DOCK1: variants seen among roughly 807,000 people sequenced by gnomAD.
The protein encoded by DOCK1 is dedicator of cytokinesis 1.
In DOCK1, 138 loss-of-function variants were observed where a neutral mutation model predicts 262.7. The observed-to-expected ratio is 0.53, with a 90% CI of 0.46 to 0.61. The LOEUF is 0.61. Among genes scored for constraint, DOCK1 ranks in the 20% least tolerant of loss-of-function variants. The probability of loss-of-function intolerance (pLI) is 0.00; values close to 1 mark genes in which losing one functional copy is unlikely to be tolerated. For missense variants in DOCK1, 1,908 were observed against 2,370.7 expected, an observed-to-expected ratio of 0.80 and a Z score of 4.05; for synonymous variants, 866 against 867.4, an observed-to-expected ratio of 1.00 and a Z score of 0.03.
At chr10:127,371,811 C>T (rs895143668) in intron 33 of DOCK1, among the ~76,000 whole-genome samples, 7 of 152,128 alleles carry the variant, frequency 4.6e-5, no homozygotes, top group African/African-American at 1.4e-4. Flanking sequence ...TACTACCAAG[C>T]GATCTCCCTT....
intron 25 of DOCK1, among the ~76,000 whole-genome samples, chr10:127,112,788 T>C (rs1341780839): frequency 1.3e-5 from 2 of 152,342 alleles, no homozygotes; most frequent in East Asian, 3.9e-4. Context: ...GTCTAAGCTG[T>C]AACTGGCAGC....
At position 127,026,393 on chromosome 10, in the gene DOCK1, G is replaced by C; in HGVS notation, c.1593G>C (p.Arg531=). The change falls in exon 16 of 52, where the codon CGG becomes CGC. Residue 531 remains arginine (R), a synonymous_variant. Coordinates refer to ENST00000623213, the MANE Select transcript of DOCK1 (RefSeq NM_001290223.2). The part of the protein sequence containing the change: ...PIEDVNRSHL[R]FTFRHRSSQD... ...AGGACGTTAACCGCAGTCACCTTCG[G>C]TTTACCTTCCGCCACAGGTCATCAC... is the stretch of plus-strand genomic sequence containing the variant. 1 of 1,578,912 alleles carries C rather than the reference G, an allele frequency of 6.3e-7. No homozygotes were observed. The highest frequency in any genetic ancestry group is 8.6e-7 in the Non-Finnish European group (1 of 1,160,940).
At chr10:127,348,683 T>A (rs1040158677) in intron 31 of DOCK1, among the ~76,000 whole-genome samples, 2 of 152,088 alleles carry the variant, frequency 1.3e-5, no homozygotes, top group African/African-American at 4.8e-5. Context: ...ATTATAGAAG[T>A]CTGCAGTGTT....
In DOCK1 at chr10:127,099,944, C is replaced by T. The variant is rs9645530; in HGVS notation, c.2446-6287C>T. 6.7e-3 allele frequency among the ~76,000 whole-genome samples: 1,026 copies of T among 152,248 alleles called. 6 individuals are homozygous for T. The highest frequency in any genetic ancestry group is 0.012 in the Admixed American group (182 of 15,300). On this transcript the variant is annotated intron_variant, in intron 23 of 51. Transcript: ENST00000623213. ...GCAGTGACTCCAGAAGAGGGAATAG[C>T]ATGTGCTCAAGCCTCTGAGCTGGCA...
At chr10:127,111,228 AT>A (rs1471264943) in intron 25 of DOCK1, among the ~76,000 whole-genome samples, 2 of 152,256 alleles carry the variant, frequency 1.3e-5, no homozygotes, top group Non-Finnish European at 2.9e-5. Flanking sequence ...GCGAATTTTA[AT>A]CTTCTTTCTT....
intron 21 of DOCK1, among the ~76,000 whole-genome samples, chr10:127,044,433 T>G (rs1260854382): frequency 6.6e-6 from 1 of 152,182 alleles, no homozygotes; most frequent in Non-Finnish European, 1.5e-5. Context: ...AACGTTTGTT[T>G]AAAACATTTT....
chr10:126,924,693 C>T (rs1279491626), intron 1 of DOCK1, among the ~76,000 whole-genome samples: 1 of 152,188 alleles, frequency 6.6e-6, no homozygotes, highest in Non-Finnish European at 1.5e-5. Context: ...TTTCGTCTGA[C>T]CAGCAGTTAC....
Position 127,042,932 on chromosome 10 carries a change from AACTAGCC to A in DOCK1, c.2101-129_2101-123del, listed in dbSNP as rs1267718665. On this transcript the variant is annotated intron_variant, in intron 20 of 51. Coordinates refer to ENST00000623213, the MANE Select transcript of DOCK1 (RefSeq NM_001290223.2). ...GTCATTTCTAGGGTAAGAAAAGGTAAACTAGCCACCAACTTCTATCTGAAAATGTTAT... is the reference window on the plus strand; with the variant it reads ...GTCATTTCTAGGGTAAGAAAAGGTAAACCAACTTCTATCTGAAAATGTTAT... 3.5e-6 allele frequency: 3 copies of A among 849,112 alleles called. No homozygotes were observed. The African/African-American group carries it at 5.2e-5, about 15-fold the overall frequency. 52.6% of individuals were successfully genotyped at this position (849,112 alleles called of 1,614,324 possible).
intron 27 of DOCK1, among the ~76,000 whole-genome samples, chr10:127,220,656 C>T (rs953738823): frequency 1.3e-5 from 2 of 151,814 alleles, no homozygotes; most frequent in Non-Finnish European, 1.5e-5. Context: ...GAGGAGCGAT[C>T]GGTGTCCCCA....
At chr10:126,907,840 A>G (rs2133987412) in intron 1 of DOCK1, among the ~76,000 whole-genome samples, 1 of 152,220 alleles carries the variant, frequency 6.6e-6, no homozygotes, top group South Asian at 2.1e-4. Flanking sequence ...TCTTGCTAAT[A>G]CTTTGGTTTT....
intron 33 of DOCK1, among the ~76,000 whole-genome samples, chr10:127,369,642 G>A (rs2065103617): frequency 1.3e-5 from 2 of 152,234 alleles, no homozygotes; most frequent in East Asian, 3.9e-4. Flanking sequence ...CATGGCCTGC[G>A]ATGCAGCCAT....
At chr10:127,332,020 G>A (rs1033548153) in intron 29 of DOCK1, among the ~76,000 whole-genome samples, 1 of 152,234 alleles carries the variant, frequency 6.6e-6, no homozygotes, top group Non-Finnish European at 1.5e-5. Context: ...GGAACCGGTG[G>A]CTGGGAACTG....
chr10:127,014,163 C>G (rs1418651211), intron 12 of DOCK1, among the ~76,000 whole-genome samples: 1 of 152,116 alleles, frequency 6.6e-6, no homozygotes, highest in Non-Finnish European at 1.5e-5. Context: ...TCACAAGAGA[C>G]AAAAATCCTG....
At chr10:127,185,262 C>T (rs1212282654) in intron 27 of DOCK1, among the ~76,000 whole-genome samples, 1 of 152,190 alleles carries the variant, frequency 6.6e-6, no homozygotes, top group Non-Finnish European at 1.5e-5. Flanking sequence ...GGCACGGTGG[C>T]TCATGCCTGT....
At chr10:127,124,664 C>G (rs1253455508) in intron 25 of DOCK1, among the ~76,000 whole-genome samples, 1 of 152,188 alleles carries the variant, frequency 6.6e-6, no homozygotes, top group African/African-American at 2.4e-5. Flanking sequence ...AGTGGGGCCT[C>G]TGCACCTGCT....
chr10:126,992,674 A>G (rs1743022335), intron 6 of DOCK1, among the ~76,000 whole-genome samples: 2 of 151,796 alleles, frequency 1.3e-5, no homozygotes, highest in Non-Finnish European at 1.5e-5. Context: ...GTCTTGGACC[A>G]TATCTCTAGA....
chr10:127,026,509 G>T, intron 16 of DOCK1, 85 bp downstream of exon 16: 1 of 1,248,120 alleles, frequency 8.0e-7, no homozygotes, highest in East Asian at 2.5e-5. Flanking sequence ...AGTTGTTCTG[G>T]AACTCGCTAT....
intron 29 of DOCK1, among the ~76,000 whole-genome samples, chr10:127,310,952 G>T (rs74158656): frequency 6.6e-6 from 1 of 152,136 alleles, no homozygotes; most frequent in Non-Finnish European, 1.5e-5. Flanking sequence ...GGCTTGTATC[G>T]TTCTTAAGTT....
At chr10:127,058,014 G>A (rs2045276591) in intron 22 of DOCK1, among the ~76,000 whole-genome samples, 1 of 151,984 alleles carries the variant, frequency 6.6e-6, no homozygotes, top group Admixed American at 6.6e-5. Context: ...CTTCAGGGTG[G>A]ATCAAAAAAG....
Sources: gnomAD v4.1 joint callset for allele counts (sites outside exome capture counted in the v4.1 genomes callset) on GRCh38, gnomAD v4.1.1 for gene constraint, MANE v1.5 for transcripts, NCBI Gene and HGNC (gene_info 2026-07-23, HGNC 2026-07-21) for gene names.